The following ASS1 variants were observed in gnomAD, a reference collection of about 807,000 sequenced individuals.
ASS1 encodes the protein argininosuccinate synthase 1.
A neutral mutation model predicts 60.5 loss-of-function variants in ASS1; 58 were observed. That is an observed-to-expected ratio of 0.96 (90% CI 0.78 to 1.19). The LOEUF (loss-of-function observed/expected upper bound fraction) is 1.19. Among genes scored for constraint, ASS1 ranks in the 50% most tolerant of loss-of-function variants. The pLI is 0.00. For missense variants in ASS1, 454 were observed against 547.3 expected (o/e 0.83, Z 1.70); for synonymous variants, 200 against 206.9 (o/e 0.97, Z 0.29).
In ASS1 at chr9:130,478,486, T is replaced by G. The variant is rs1171322325; in HGVS notation, c.689-1230T>G. Among the ~76,000 whole-genome samples, 1 of 152,298 alleles carries G rather than the reference T, an allele frequency of 6.6e-6. No homozygotes were observed. Among genetic ancestry groups the G allele is most frequent in the South Asian group, 2.1e-4 (1 of 4,828 alleles). On this transcript the variant is annotated intron_variant, in intron 9 of 14. Coordinates refer to ENST00000352480, the MANE Select transcript of ASS1 (RefSeq NM_054012.4). This position sits in a 1 kb window ranked among gnomAD's most constrained non-coding sequence, Gnocchi z 4.7. ...AAGAAACGTGACCTATTGTCATGAT[T>G]TGGGGACTGTCTGGAAGAAGAAAAA...
intron 1 of ASS1, among the ~76,000 whole-genome samples, chr9:130,448,422 G>GCGCACACACACACACACACACACACACA (rs71387350): frequency 2.1e-5 from 3 of 143,296 alleles, no homozygotes; most frequent in African/African-American, 8.3e-5. Context: ...GTGTGCGCGC[G>GCGCACACACACACACACACACACACACA]CACACACACA....
chr9:130,474,083 A>C, intron 8 of ASS1, among the ~76,000 whole-genome samples: 1 of 98,014 alleles, frequency 1.0e-5, no homozygotes, highest in African/African-American at 4.2e-5. Context: ...CCCACAGATG[A>C]CATTGGAAGT....
chr9:130,466,573 G>A (rs939536039), intron 5 of ASS1, 152 bp from the exon 6 acceptor site: 1 of 734,888 alleles, frequency 1.4e-6, no homozygotes, highest in Non-Finnish European at 2.4e-6. Flanking sequence ...TCCTTCATGG[G>A]GCTCCCTCTC....
At chr9:130,481,557 G>A (rs2043191) in intron 11 of ASS1, among the ~76,000 whole-genome samples, 50,463 of 152,158 alleles carry the variant, frequency 0.33, 10,024 homozygotes, top group Middle Eastern at 0.46. Context: ...GTGGTGGTCC[G>A]GAGGGCAGGA....
In ASS1 at chr9:130,494,768, C is replaced by A; in HGVS notation, c.971-99C>A. ...CGGGAGGCAGTCATGGTCTGCATGG[C>A]GGGGTAAACCATGGGGCACCCTTCC... On this transcript the variant is annotated intron_variant, in intron 12 of 14. Transcript: ENST00000352480. The surrounding 1 kb of genome is among the most constrained non-coding windows in gnomAD (Gnocchi z 4.3). 1 of 1,478,202 alleles carries A rather than the reference C, an allele frequency of 6.8e-7. No homozygotes were observed. Among genetic ancestry groups the A allele is most frequent in the Non-Finnish European group, 9.4e-7 (1 of 1,063,384 alleles). 91.6% of individuals were successfully genotyped at this position (1,478,202 alleles called of 1,614,324 possible). A position where few individuals can be genotyped will look rare whatever the true frequency, so the allele number is the denominator to read the frequency against.
intron 11 of ASS1, among the ~76,000 whole-genome samples, chr9:130,486,926 A>T: frequency 6.6e-6 from 1 of 152,350 alleles, no homozygotes; most frequent in South Asian, 2.1e-4. Flanking sequence ...CGCTCTGGTT[A>T]GCAGTTGATC....
chr9:130,451,226 G>A (rs572071508), intron 1 of ASS1, among the ~76,000 whole-genome samples: 4 of 152,264 alleles, frequency 2.6e-5, no homozygotes, highest in South Asian at 4.1e-4. Context: ...AGGCCTTGGC[G>A]CCTTCGGGAG....
At chr9:130,485,979 C>A (rs1399168260) in intron 11 of ASS1, among the ~76,000 whole-genome samples, 1 of 152,074 alleles carries the variant, frequency 6.6e-6, no homozygotes, top group Non-Finnish European at 1.5e-5. Context: ...TGTGTGCGGT[C>A]ATCATGTTTT....
At chr9:130,484,096 G>A (rs1205453019) in intron 11 of ASS1, among the ~76,000 whole-genome samples, 3 of 152,010 alleles carry the variant, frequency 2.0e-5, no homozygotes, top group African/African-American at 2.4e-5. Context: ...CACCCTGACT[G>A]GCCTCCCATC....
Position 130,480,433 on chromosome 9 carries a change from T to G in ASS1, c.822T>G (p.Ile274Met), listed in dbSNP as rs1846141878. Reference protein sequence around the residue: ...GRIDIVENRFIGMKSRGIYET... With the variant: ...GRIDIVENRFMGMKSRGIYET... The stretch of plus-strand genomic sequence containing the variant: ...TTGACATCGTGGAGAACCGCTTCAT[T>G]GGAATGAAGTCCCGAGGTGAGTCTG... The change falls in exon 11 of 15, where the codon ATT becomes ATG. Residue 274 changes from isoleucine to methionine, a missense_variant. Ile to Met is a conservative substitution (Grantham distance 10, BLOSUM62 1). Coordinates refer to ENST00000352480, the MANE Select transcript of ASS1 (RefSeq NM_054012.4). 6.2e-7 allele frequency: 1 copy of G among 1,613,996 alleles called. No individual in the cohort carries two copies. Among genetic ancestry groups the G allele is most frequent in the African/African-American group, 1.3e-5 (1 of 74,932 alleles).
At position 130,495,613 on chromosome 9, in the gene ASS1, G is replaced by A. The variant is rs186036719; in HGVS notation, c.1127+590G>A. On this transcript the variant is annotated intron_variant, in intron 13 of 14. Transcript: ENST00000352480. The stretch of plus-strand genomic sequence containing the variant: ...GGGTGGAAGGGCAAAAGTGGCCAGG[G>A]GGAAGGAGCTGAAGCTAGATCTTAA... Among the ~76,000 whole-genome samples the A allele has an allele frequency of 2.9e-3, 436 of 152,086 alleles. 4 individuals carry two copies. The highest frequency in any genetic ancestry group is 5.5e-3 in the Admixed American group (84 of 15,258).
chr9:130,454,274 C>T (rs762640094), intron 2 of ASS1, 31 bp from the exon 3 acceptor site: 2 of 1,601,822 alleles, frequency 1.2e-6, no homozygotes, highest in East Asian at 4.5e-5. Flanking sequence ...CCCCCAGGGG[C>T]TGACGGAGCC....
chr9:130,448,860 G>A (rs749970044), intron 1 of ASS1, among the ~76,000 whole-genome samples: 3 of 152,152 alleles, frequency 2.0e-5, no homozygotes, highest in Non-Finnish European at 4.4e-5. Context: ...CACTGTGCTC[G>A]GCCATGAGAG....
Position 130,494,783 on chromosome 9 carries a change from G to A in ASS1, c.971-84G>A. 6.4e-7 allele frequency: 1 copy of A among 1,558,868 alleles called. No homozygotes were observed. The highest frequency in any genetic ancestry group is 8.8e-7 in the Non-Finnish European group (1 of 1,133,240). ...GTCTGCATGGCGGGGTAAACCATGG[G>A]GCACCCTTCCTGTGCCCCAGGTCTC... On this transcript the variant is annotated intron_variant, in intron 12 of 14. Transcript: ENST00000352480. The surrounding 1 kb of genome is among the most constrained non-coding windows in gnomAD (Gnocchi z 4.3).
In ASS1 at chr9:130,452,541, A is replaced by G. The variant is rs903318611; in HGVS notation, c.105+208A>G. Among the ~76,000 whole-genome samples the G allele has an allele frequency of 3.3e-5, 5 of 152,298 alleles. No individual in the cohort carries two copies. In the East Asian group the frequency reaches 9.6e-4, roughly 29 times the overall value. ...CACTTTCTCCATCTGCAAATTGGCC[A>G]TCCTTGAGATGCCTTCCAGAGCCAG... On this transcript the variant is annotated intron_variant, in intron 2 of 14. Coordinates refer to ENST00000352480, the MANE Select transcript of ASS1 (RefSeq NM_054012.4).
chr9:130,456,998 A>C (rs1845464370), intron 3 of ASS1, among the ~76,000 whole-genome samples: 1 of 152,240 alleles, frequency 6.6e-6, no homozygotes, highest in Admixed American at 6.5e-5. Context: ...ATTAGAAATA[A>C]AAGCTGAAAT....
At position 130,488,645 on chromosome 9, in the gene ASS1, C is replaced by T. The variant is rs1564160009; in HGVS notation, c.839-688C>T. 1.3e-5 allele frequency among the ~76,000 whole-genome samples: 2 copies of T among 152,222 alleles called. No homozygotes were observed. Among genetic ancestry groups the T allele is most frequent in the East Asian group, 1.9e-4 (1 of 5,198 alleles). ...AGGGGACTTGAGCAATCCCTTCTCCCCTGACCTTCCAGGGTTGGGCCTCCA... is the reference window on the plus strand; with the variant it reads ...AGGGGACTTGAGCAATCCCTTCTCCTCTGACCTTCCAGGGTTGGGCCTCCA... On this transcript the variant is annotated intron_variant, in intron 11 of 14. Transcript: ENST00000352480. This position sits in a 1 kb window ranked among gnomAD's most constrained non-coding sequence, Gnocchi z 5.2.
At chr9:130,448,401 TGCACACAGGTGTGTGCGCGC>T (rs1845243342) in intron 1 of ASS1, among the ~76,000 whole-genome samples, 2 of 139,222 alleles carry the variant, frequency 1.4e-5, no homozygotes, top group Non-Finnish European at 3.1e-5. Context: ...CACCCCTGGG[TGCACACAGGTGTGTGCGCGC>T]GCACACACAC....
chr9:130,466,795 CA>C lies in ASS1; in HGVS notation c.494del (p.Lys165SerfsTer69). On this transcript the variant is annotated frameshift_variant, in exon 6 of 15. Transcript: ENST00000352480. LOFTEE classifies it high-confidence loss of function. Reference protein sequence around the residue: ...FKGRNDLMEYAKQHGIPIPVT... With the variant: ...FKGRNDLMEYXKQHGIPIPVT... ...GGCCGCAATGACCTGATGGAGTACG[CA>C]AAGGTATGGCCGAGTCTCCCCACCA... The C allele has an allele frequency of 6.2e-7, 1 of 1,614,050 alleles. No individual in the cohort carries two copies.
Sources: gnomAD v4.1 joint callset for allele counts (sites outside exome capture counted in the v4.1 genomes callset) on GRCh38, gnomAD v4.1.1 for gene constraint, Gnocchi (gnomAD v3.1) non-coding constraint, MANE v1.5 for transcripts, NCBI Gene and HGNC (gene_info 2026-07-23, HGNC 2026-07-21) for gene names.